The following NIBAN1 variants were observed in gnomAD, a reference collection of about 807,000 sequenced individuals.
NIBAN1 encodes the protein protein Niban 1.
In NIBAN1, 81 loss-of-function variants were observed where a neutral mutation model predicts 75.1. The ratio of observed to expected loss-of-function variants is 1.08; its 90% CI spans 0.90 to 1.30. The LOEUF is 1.30. NIBAN1 is among the 50% of genes most tolerant of loss of function. NIBAN1 has a pLI of 0.00. For missense variants in NIBAN1, 1,133 were observed against 1,128.1 expected, an observed-to-expected ratio of 1.00 and a Z score of -0.06; for synonymous variants, 436 against 424.8, an observed-to-expected ratio of 1.03 and a Z score of -0.32.
intron 1 of NIBAN1, among the ~76,000 whole-genome samples, chr1:184,966,104 G>T (rs1658779277): frequency 6.6e-6 from 1 of 152,206 alleles, no homozygotes; most frequent in South Asian, 2.1e-4. Context: ...TATTATAAAA[G>T]CTAGGATTAG....
At chr1:184,816,072 A>C (rs1571486672) in intron 9 of NIBAN1, among the ~76,000 whole-genome samples, 1 of 152,196 alleles carries the variant, frequency 6.6e-6, no homozygotes, top group Admixed American at 6.5e-5. Context: ...AGATTATAAA[A>C]ATCCAGCTGT....
intron 4 of NIBAN1, among the ~76,000 whole-genome samples, chr1:184,886,858 C>T (rs1656538849): frequency 6.6e-6 from 1 of 152,162 alleles, no homozygotes; most frequent in African/African-American, 2.4e-5. Flanking sequence ...CAGGATTGCT[C>T]ATGCCTGTAA....
chr1:184,805,982 T>G lies in NIBAN1; in HGVS notation c.1410A>C (p.Ala470=). ...PHLQGEASKT[A]VAIEKVKLRV... is the part of the protein sequence containing the mutation. ...GGAGTTTAACCTTCTCAATGGCAAC[T>G]GCAGTTTTGGAGGCCTCTCCTTGGA... Residue 470 remains alanine, a synonymous_variant, in exon 11 of 14, where the codon GCA becomes GCC. Coordinates refer to ENST00000367511, the MANE Select transcript of NIBAN1 (RefSeq NM_052966.4). 6.2e-7 allele frequency: 1 copy of G among 1,614,212 alleles called. No individual in the cohort carries two copies. Among genetic ancestry groups the G allele is most frequent in the Non-Finnish European group, 8.5e-7 (1 of 1,180,032 alleles).
chr1:184,898,104 C>T (rs566605813), intron 2 of NIBAN1, among the ~76,000 whole-genome samples: 34 of 152,304 alleles, frequency 2.2e-4, no homozygotes, highest in African/African-American at 6.5e-4. Flanking sequence ...GATGTGCTCC[C>T]GATCTGTCTC....
chr1:184,932,744 G>T (rs892353647), intron 1 of NIBAN1, among the ~76,000 whole-genome samples: 1 of 152,170 alleles, frequency 6.6e-6, no homozygotes, highest in African/African-American at 2.4e-5. Flanking sequence ...AAGCTTAAAA[G>T]TTATGAATAA....
chr1:184,803,990 T>C (rs188557212), intron 11 of NIBAN1, among the ~76,000 whole-genome samples: 2 of 152,332 alleles, frequency 1.3e-5, no homozygotes, highest in Admixed American at 6.5e-5. Context: ...GGGGTGAGTT[T>C]GTATTTTATT....
chr1:184,828,842 T>C (rs1654917242), intron 6 of NIBAN1, among the ~76,000 whole-genome samples: 1 of 152,000 alleles, frequency 6.6e-6, no homozygotes, highest in South Asian at 2.1e-4. Flanking sequence ...GTCTCTCTGT[T>C]GCCCAGTGTA....
At chr1:184,873,146 A>G (rs1310551357) in intron 5 of NIBAN1, among the ~76,000 whole-genome samples, 6 of 152,250 alleles carry the variant, frequency 3.9e-5, no homozygotes, top group Admixed American at 2.6e-4. Context: ...TTTCAAGAAT[A>G]CGAATGAGAT....
At position 184,795,018 on chromosome 1, in the gene NIBAN1, C is replaced by T. The variant is rs773378455; in HGVS notation, c.2746G>A (p.Gly916Ser). 20 of 1,613,006 alleles carry T rather than the reference C, an allele frequency of 1.2e-5. No individual in the cohort carries two copies. The highest frequency in any genetic ancestry group is 1.7e-5 in the Non-Finnish European group (20 of 1,180,044). ...AGCTCTGGGAAACTCTCCTGACCAC[C>T]TTCTCCCTCCTTCACGTCATCTTTG... ...SHKDDVKEGE[G>S]GQESFPELPS... Residue 916 changes from glycine to serine, a missense_variant, in exon 14 of 14, where the codon GGT becomes AGT. Gly to Ser is a moderately conservative substitution (Grantham distance 56, BLOSUM62 0). Transcript: ENST00000367511.
chr1:184,928,515 G>A (rs1371889456), intron 1 of NIBAN1, among the ~76,000 whole-genome samples: 1 of 152,200 alleles, frequency 6.6e-6, no homozygotes. Context: ...TCTGACCACT[G>A]GGATGCGTGA....
intron 5 of NIBAN1, among the ~76,000 whole-genome samples, chr1:184,878,957 T>C (rs1446410016): frequency 6.6e-6 from 1 of 152,164 alleles, no homozygotes; most frequent in Non-Finnish European, 1.5e-5. Context: ...AGGGAATGAC[T>C]ACTTCCTAAG....
At chr1:184,884,514 C>G in intron 5 of NIBAN1, 119 bp downstream of exon 5, 1 of 1,335,508 alleles carries the variant, frequency 7.5e-7, no homozygotes, top group Non-Finnish European at 1.0e-6. Context: ...CATGAGCCAC[C>G]GCACTTGGCT....
Position 184,974,329 on chromosome 1 carries a change from C to G in NIBAN1, c.28G>C (p.Asp10His). MGGSASSQLDEGKCAYIRGK... is the reference protein window; with the variant it reads MGGSASSQLHEGKCAYIRGK... ...CGGATGTAAGCGCACTTGCCCTCGTCCAGCTGGCTGGAGGCTGAGCCGCCC... is the reference window on the plus strand; with the variant it reads ...CGGATGTAAGCGCACTTGCCCTCGTGCAGCTGGCTGGAGGCTGAGCCGCCC... The change falls in exon 1 of 14, where the codon GAC becomes CAC. Residue 10 changes from aspartate to histidine, a missense_variant. Transcript: ENST00000367511. 4.5e-6 allele frequency: 7 copies of G among 1,567,570 alleles called. No individual in the cohort carries two copies. Among genetic ancestry groups the G allele is most frequent in the Non-Finnish European group, 6.0e-6 (7 of 1,163,666 alleles).
At chr1:184,956,034 T>TTTG (rs34832804) in intron 1 of NIBAN1, among the ~76,000 whole-genome samples, 122 of 24,472 alleles carry the variant, frequency 5.0e-3, no homozygotes, top group African/African-American at 0.015. Context: ...TTTTTGTTTG[T>TTTG]TTTTTTTTTT....
Position 184,892,828 on chromosome 1 carries a change from T to A in NIBAN1, c.318+1247A>T, listed in dbSNP as rs201761578. ...ACTCTGTCACCCAGGCTGGAGTGCA[T>A]TGGGGTGATCTCAGCTCACTGCAAC... is the stretch of plus-strand genomic sequence containing the variant. On this transcript the variant is annotated intron_variant, in intron 3 of 13. Transcript: ENST00000367511. 2.3e-4 allele frequency among the ~76,000 whole-genome samples: 35 copies of A among 151,936 alleles called. No homozygotes were observed. The East Asian group carries it at 5.5e-3, about 24-fold the overall frequency.
At chr1:184,818,520 C>CT in intron 9 of NIBAN1, 118 bp downstream of exon 9, 1 of 1,006,676 alleles carries the variant, frequency 9.9e-7, no homozygotes, top group Non-Finnish European at 1.4e-6. Flanking sequence ...GAGGGAAGGG[C>CT]AGAAGAATGG....
chr1:184,904,653 G>A (rs936442841), intron 1 of NIBAN1, among the ~76,000 whole-genome samples: 5 of 151,938 alleles, frequency 3.3e-5, no homozygotes, highest in African/African-American at 4.8e-5. Context: ...ATCTCTCAAC[G>A]ACATTATAAA....
intron 1 of NIBAN1, among the ~76,000 whole-genome samples, chr1:184,962,195 CGTG>C (rs1304865436): frequency 6.6e-6 from 1 of 152,000 alleles, no homozygotes; most frequent in African/African-American, 2.4e-5. Context: ...ATAAAATAAA[CGTG>C]GGGAAGAATT....
At chr1:184,826,039 C>CTCTG (rs1436084206) in intron 6 of NIBAN1, among the ~76,000 whole-genome samples, 1 of 152,188 alleles carries the variant, frequency 6.6e-6, no homozygotes, top group Non-Finnish European at 1.5e-5. Context: ...TTAATCAGGG[C>CTCTG]TCTGTCGCAG....
Sources: allele counts gnomAD v4.1 joint callset (sites outside exome capture counted in the v4.1 genomes callset), GRCh38; gene constraint gnomAD v4.1.1; transcripts MANE v1.5; gene names NCBI Gene and HGNC (gene_info 2026-07-23, HGNC 2026-07-21).